Variants in C1orf21 observed in about 807,000 individuals in gnomAD.
The protein encoded by C1orf21 is uncharacterized protein C1orf21.
A neutral mutation model predicts 18.7 loss-of-function variants in C1orf21; 3 were observed. That is an observed-to-expected ratio of 0.16 (90% confidence interval 0.07 to 0.42). C1orf21 has a LOEUF of 0.42. C1orf21 is among the 10% of genes least tolerant of loss of function. The pLI is 0.99. For synonymous variants in C1orf21, 41 were observed against 46.4 expected (o/e 0.88, Z 0.47); for missense variants, 104 against 143.6 (o/e 0.72, Z 1.41).
At chr1:184,602,064 A>G (rs1042270992) in intron 5 of C1orf21, among the ~76,000 whole-genome samples, 4 of 152,210 alleles carry the variant, frequency 2.6e-5, no homozygotes, top group Non-Finnish European at 5.9e-5. Context: ...TTAAAAGTGA[A>G]TTTTAAAAAA....
intron 2 of C1orf21, among the ~76,000 whole-genome samples, chr1:184,501,236 C>A (rs761265464): frequency 6.6e-6 from 1 of 152,152 alleles, no homozygotes; most frequent in Admixed American, 6.5e-5. Flanking sequence ...ATAAGGTCTT[C>A]GGTTCCTGTA....
At chr1:184,392,415 AT>A (rs1351394456) in intron 1 of C1orf21, among the ~76,000 whole-genome samples, 3 of 152,182 alleles carry the variant, frequency 2.0e-5, no homozygotes, top group African/African-American at 7.2e-5. Flanking sequence ...TTAGAGTGGA[AT>A]AATAGACACT....
At chr1:184,398,263 A>C (rs1233252749) in intron 1 of C1orf21, among the ~76,000 whole-genome samples, 1 of 152,134 alleles carries the variant, frequency 6.6e-6, no homozygotes, top group Non-Finnish European at 1.5e-5. Context: ...GCTTGCAGCA[A>C]CTCTATGAGG....
intron 1 of C1orf21, among the ~76,000 whole-genome samples, chr1:184,448,838 T>A (rs1557974651): frequency 6.6e-6 from 1 of 152,086 alleles, no homozygotes; most frequent in Non-Finnish European, 1.5e-5. Context: ...ACTTATTAAG[T>A]CCCTGCCTTT....
In C1orf21 at chr1:184,620,232, G is replaced by A. The variant is rs1186142298; in HGVS notation, c.*676G>A. On this transcript the variant is annotated 3_prime_UTR_variant, in exon 6 of 6. Transcript: ENST00000235307. ...GAATTAAGCTTGCAACATTGGCTTT[G>A]CTCAGATGCAGATGGAAGTGTGATC... The A allele has an allele frequency of 6.6e-6, 1 of 152,624 alleles. No homozygotes were observed. The allele number at this position is 152,624 out of a possible 1,614,324, so 9.5% of individuals were successfully genotyped here. A position where few individuals can be genotyped will look rare whatever the true frequency, so the allele number is the denominator to read the frequency against.
intron 3 of C1orf21, among the ~76,000 whole-genome samples, chr1:184,554,291 A>G (rs1337166425): frequency 6.6e-6 from 1 of 152,172 alleles, no homozygotes; most frequent in Non-Finnish European, 1.5e-5. Context: ...CTTCAGTTCT[A>G]CTTTTTGATA....
At chr1:184,397,611 G>C (rs1354681649) in intron 1 of C1orf21, among the ~76,000 whole-genome samples, 1 of 152,090 alleles carries the variant, frequency 6.6e-6, no homozygotes, top group Non-Finnish European at 1.5e-5. Context: ...CAACTGTATG[G>C]CTACTTAGCA....
intron 1 of C1orf21, among the ~76,000 whole-genome samples, chr1:184,395,774 A>G (rs1243281500): frequency 6.6e-6 from 1 of 152,146 alleles, no homozygotes; most frequent in Admixed American, 6.5e-5. Flanking sequence ...TACTCTCAAA[A>G]GGATCTCAGT....
rs1161440358 is a variant in C1orf21 at position 184,477,473 on chromosome 1, T to C, written c.-37T>C. On this transcript the variant is annotated 5_prime_UTR_variant, in exon 2 of 6. Coordinates refer to ENST00000235307, the MANE Select transcript of C1orf21 (RefSeq NM_030806.4). The stretch of plus-strand genomic sequence containing the variant: ...TGTCCCTGTGTCTGTAGAGATGATT[T>C]GCAGTTCAGCCCGGCTGAAGCTGAC... 1 of 1,557,820 alleles carries C rather than the reference T, an allele frequency of 6.4e-7. No homozygotes were observed. Among genetic ancestry groups the C allele is most frequent in the African/African-American group, 1.4e-5 (1 of 73,352 alleles).
chr1:184,547,806 G>A lies in C1orf21; in HGVS notation c.189+40124G>A, dbSNP rs560194218. On this transcript the variant is annotated intron_variant, in intron 3 of 5. Transcript: ENST00000235307. The stretch of plus-strand genomic sequence containing the variant: ...GGAGTATGCTCCTCTCTAGAAAAAA[G>A]GTGTAGGGAATATCAGACAAGAATC... Among the ~76,000 whole-genome samples the A allele has an allele frequency of 5.9e-5, 9 of 152,216 alleles. No individual in the cohort carries two copies. In the East Asian group the frequency reaches 7.7e-4, roughly 13 times the overall value.
In C1orf21 at chr1:184,625,266, C is replaced by T. The variant is rs990410880; in HGVS notation, c.*5710C>T. On this transcript the variant is annotated 3_prime_UTR_variant, in exon 6 of 6. Coordinates refer to ENST00000235307, the MANE Select transcript of C1orf21 (RefSeq NM_030806.4). ...CTTAGGCAGAGGTCCCTTAGGGTCT[C>T]TAGAGTTGAAAATAATTCTACAGCC... 5 of 152,360 alleles carry T rather than the reference C, an allele frequency of 3.3e-5. No individual in the cohort carries two copies. The highest frequency in any genetic ancestry group is 1.3e-4 in the Admixed American group (2 of 15,286). The allele number at this position is 152,360 out of a possible 1,614,324, so 9.4% of individuals were successfully genotyped here.
At chr1:184,563,589 A>G (rs1216552041) in intron 3 of C1orf21, among the ~76,000 whole-genome samples, 1 of 152,244 alleles carries the variant, frequency 6.6e-6, no homozygotes. Flanking sequence ...TTACATGGGC[A>G]CCTTCTTGAC....
intron 3 of C1orf21, among the ~76,000 whole-genome samples, chr1:184,520,151 A>G (rs1264705794): frequency 6.6e-6 from 1 of 152,202 alleles, no homozygotes; most frequent in African/African-American, 2.4e-5. Context: ...TCCTTCTTTG[A>G]AAAGTAAAAC....
chr1:184,401,771 T>C (rs1444543059), intron 1 of C1orf21, among the ~76,000 whole-genome samples: 1 of 145,582 alleles, frequency 6.9e-6, no homozygotes, highest in Non-Finnish European at 1.5e-5. Context: ...AGTAGATACA[T>C]TTACAGCAAA....
At chr1:184,418,526 T>C (rs1157101726) in intron 1 of C1orf21, among the ~76,000 whole-genome samples, 1 of 152,224 alleles carries the variant, frequency 6.6e-6, no homozygotes, top group Non-Finnish European at 1.5e-5. Flanking sequence ...GTTATAACTT[T>C]TCTTCTGCGC....
chr1:184,395,232 G>A (rs1344693238), intron 1 of C1orf21, among the ~76,000 whole-genome samples: 3 of 151,820 alleles, frequency 2.0e-5, no homozygotes, highest in Non-Finnish European at 4.4e-5. Flanking sequence ...CTTCTATTGT[G>A]CCCACTGGGC....
intron 1 of C1orf21, among the ~76,000 whole-genome samples, chr1:184,401,712 C>A (rs1431364131): frequency 4.0e-5 from 6 of 149,514 alleles, no homozygotes; most frequent in African/African-American, 7.4e-5. Context: ...TCCTTACATC[C>A]AGGTTATAGA....
chr1:184,589,179 T>C (rs1423900299), intron 3 of C1orf21, among the ~76,000 whole-genome samples: 1 of 152,254 alleles, frequency 6.6e-6, no homozygotes, highest in Non-Finnish European at 1.5e-5. Context: ...GCGGAAATTA[T>C]GTGAAAGAGA....
chr1:184,510,007 C>T (rs1046105449), intron 3 of C1orf21, among the ~76,000 whole-genome samples: 1 of 152,108 alleles, frequency 6.6e-6, no homozygotes, highest in African/African-American at 2.4e-5. Flanking sequence ...AGATGATAGT[C>T]GTAAGACTGA....
Sources: allele counts gnomAD v4.1 joint callset (sites outside exome capture counted in the v4.1 genomes callset), GRCh38; gene constraint gnomAD v4.1.1; transcripts MANE v1.5; gene names NCBI Gene and HGNC (gene_info 2026-07-23, HGNC 2026-07-21).